TG: variants seen among roughly 807,000 people sequenced by gnomAD.
The protein encoded by TG is thyroid hormones.
In TG, 270 loss-of-function variants were observed where a neutral mutation model predicts 324.7. The ratio of observed to expected loss-of-function variants is 0.83; its 90% CI spans 0.75 to 0.92. The LOEUF (loss-of-function observed/expected upper bound fraction) is 0.92, where lower values mean the gene tolerates loss of function less well. Ranked by LOEUF, TG falls within the 40% of genes least tolerant of loss-of-function variation. TG has a pLI of 0.00. For missense variants in TG, 3,591 were observed against 3,456.4 expected (o/e 1.04, Z -0.98); for synonymous variants, 1,401 against 1,327.0 (o/e 1.06, Z -1.21).
intron 24 of TG, among the ~76,000 whole-genome samples, chr8:132,935,461 T>C (rs534411706): frequency 1.3e-5 from 2 of 152,222 alleles, no homozygotes; most frequent in Middle Eastern, 6.8e-3. Flanking sequence ...CTCATTAATA[T>C]CTCAGAACCT....
intron 20 of TG, among the ~76,000 whole-genome samples, chr8:132,915,067 C>A (rs540509257): frequency 6.6e-6 from 1 of 151,992 alleles, no homozygotes; most frequent in South Asian, 2.1e-4. Context: ...TTTGTCCGTA[C>A]GCATGTGTGT....
At position 132,919,467 on chromosome 8, in the gene TG, T is replaced by C; in HGVS notation, c.4470T>C (p.Cys1490=). 1 of 1,614,172 alleles carries C rather than the reference T, an allele frequency of 6.2e-7. No homozygotes were observed. Among genetic ancestry groups the C allele is most frequent in the Non-Finnish European group, 8.5e-7 (1 of 1,180,006 alleles). The part of the protein sequence containing the change: ...FYQEQAGSLA[C]VPCPVGRTTI... ...AAGAACAGGCAGGGAGCTTGGCCTG[T>C]GTCCCATGTCCTGTGGGCAGAACGA... Residue 1490 remains cysteine, a synonymous_variant, in exon 21 of 48, where the codon TGT becomes TGC. Coordinates refer to ENST00000220616, the MANE Select transcript of TG (RefSeq NM_003235.5).
In TG at chr8:133,013,781, G is replaced by T. The variant is rs1458450958; in HGVS notation, c.6562+17G>T. 1.9e-6 allele frequency: 3 copies of T among 1,605,170 alleles called. No individual in the cohort carries two copies. Among genetic ancestry groups the T allele is most frequent in the Non-Finnish European group, 2.5e-6 (3 of 1,179,300 alleles). ...GGAAGCCAGGTAAGCCCAAGCCTAT[G>T]CCTTTGCAGCCATCCTGGGAAACTG... On this transcript the variant is annotated intron_variant, in intron 37 of 47. Transcript: ENST00000220616.
chr8:133,019,794 G>A (rs965652652), intron 39 of TG, 99 bp downstream of exon 39: 4 of 1,016,424 alleles, frequency 3.9e-6, no homozygotes, highest in Admixed American at 1.9e-5. Flanking sequence ...CCTCCTCTGT[G>A]GCCTGCTGAG....
chr8:133,085,295 C>A (rs1169040479), intron 41 of TG, among the ~76,000 whole-genome samples: 1 of 152,120 alleles, frequency 6.6e-6, no homozygotes, highest in East Asian at 1.9e-4. Context: ...TTGCACTAGG[C>A]AAGCATTTCT....
At chr8:132,894,931 A>G (rs986548102) in intron 11 of TG, among the ~76,000 whole-genome samples, 20 of 152,324 alleles carry the variant, frequency 1.3e-4, no homozygotes, top group African/African-American at 4.6e-4. Context: ...ACTTGCCCGA[A>G]TTCACACAAG....
chr8:132,967,355 T>C (rs139075448), intron 30 of TG, among the ~76,000 whole-genome samples: 1 of 152,228 alleles, frequency 6.6e-6, no homozygotes, highest in African/African-American at 2.4e-5. Context: ...AAATCAACCA[T>C]GTTCCTTGCC....
chr8:133,048,763 G>A (rs75159042), intron 41 of TG: 6,911 of 160,756 alleles, frequency 0.043, 186 homozygotes, highest in Middle Eastern at 0.099. Context: ...TGACTCCCAC[G>A]GCAGCTCCTG....
chr8:132,877,858 C>T (rs1814052444), intron 5 of TG, among the ~76,000 whole-genome samples: 1 of 152,158 alleles, frequency 6.6e-6, no homozygotes, highest in Non-Finnish European at 1.5e-5. Flanking sequence ...CTGGTGATTG[C>T]TCTGTTGGAG....
At chr8:132,938,392 T>C (rs1451880141) in intron 25 of TG, among the ~76,000 whole-genome samples, 1 of 152,134 alleles carries the variant, frequency 6.6e-6, no homozygotes, top group Admixed American at 6.5e-5. Context: ...AAAGGTTCTT[T>C]AGAGATTATC....
intron 22 of TG, among the ~76,000 whole-genome samples, chr8:132,924,613 A>G (rs1051656676): frequency 2.0e-5 from 3 of 152,204 alleles, no homozygotes; most frequent in African/African-American, 4.8e-5. Context: ...AAACCATCAG[A>G]TATGCTACAA....
chr8:133,062,237 C>T (rs944230437), intron 41 of TG, among the ~76,000 whole-genome samples: 6 of 152,136 alleles, frequency 3.9e-5, no homozygotes, highest in South Asian at 2.1e-4. Flanking sequence ...GAAAAACATG[C>T]GCACCCAAAA....
At chr8:132,959,728 C>A (rs1257928609) in intron 27 of TG, among the ~76,000 whole-genome samples, 1 of 152,146 alleles carries the variant, frequency 6.6e-6, no homozygotes, top group African/African-American at 2.4e-5. Flanking sequence ...CCTTTCTTGA[C>A]TTTGATTCCT....
chr8:132,988,792 G>A lies in TG; in HGVS notation c.6262+5380G>A, dbSNP rs184621858. On this transcript the variant is annotated intron_variant, in intron 35 of 47. Coordinates refer to ENST00000220616, the MANE Select transcript of TG (RefSeq NM_003235.5). ...GTTGGAGCCTGCCTGTGTGATCGTCGCACCCCTTCCCTGCTTCCCAAATGT... is the reference window on the plus strand; with the variant it reads ...GTTGGAGCCTGCCTGTGTGATCGTCACACCCCTTCCCTGCTTCCCAAATGT... The A allele has an allele frequency of 2.2e-4, 214 of 985,412 alleles. 1 individual carries two copies. In the East Asian group the frequency reaches 0.016, roughly 73 times the overall value. 61.0% of individuals were successfully genotyped at this position (985,412 alleles called of 1,614,324 possible).
intron 20 of TG, among the ~76,000 whole-genome samples, chr8:132,915,947 C>T (rs1820227752): frequency 6.6e-6 from 1 of 152,236 alleles, no homozygotes; most frequent in Non-Finnish European, 1.5e-5. Context: ...CCTGAATTTT[C>T]TTCAGCATCA....
intron 41 of TG, among the ~76,000 whole-genome samples, chr8:133,091,236 T>C (rs1387062212): frequency 1.3e-5 from 2 of 152,232 alleles, no homozygotes; most frequent in East Asian, 3.8e-4. Flanking sequence ...TTCCACGAAG[T>C]GCCTGATGGA....
chr8:133,115,689 A>G (rs1850624015), intron 44 of TG, among the ~76,000 whole-genome samples: 2 of 152,230 alleles, frequency 1.3e-5, no homozygotes, highest in Non-Finnish European at 2.9e-5. Context: ...AGAACTGCTG[A>G]GTATCTCACC....
intron 16 of TG, among the ~76,000 whole-genome samples, chr8:132,904,177 A>G (rs1432620067): frequency 6.6e-6 from 1 of 152,174 alleles, no homozygotes; most frequent in Non-Finnish European, 1.5e-5. Flanking sequence ...GTCCAGCCCC[A>G]CAGAGTTGTT....
intron 46 of TG, 130 bp downstream of exon 46, chr8:133,132,076 C>T: frequency 7.2e-7 from 1 of 1,388,984 alleles, no homozygotes; most frequent in Non-Finnish European, 1.0e-6. Context: ...AATCACCAGC[C>T]ACTGGCCTCC....
Sources: gnomAD v4.1 joint callset for allele counts (sites outside exome capture counted in the v4.1 genomes callset) on GRCh38, gnomAD v4.1.1 for gene constraint, MANE v1.5 for transcripts, NCBI Gene and HGNC (gene_info 2026-07-23, HGNC 2026-07-21) for gene names.